RSU1: variants seen among roughly 807,000 people sequenced by gnomAD.
RSU1 encodes the protein Ras suppressor protein 1.
In RSU1, 26 loss-of-function variants were observed where a neutral mutation model predicts 31.1. The observed-to-expected ratio is 0.84, with a 90% CI of 0.61 to 1.16. The LOEUF (loss-of-function observed/expected upper bound fraction) is 1.16. Among genes scored for constraint, RSU1 ranks in the 50% most tolerant of loss-of-function variants. RSU1 has a pLI of 0.00. For synonymous variants in RSU1, 164 were observed against 136.3 expected, an observed-to-expected ratio of 1.20 and a Z score of -1.41; for missense variants, 320 against 339.1, an observed-to-expected ratio of 0.94 and a Z score of 0.44.
At chr10:16,740,858 C>G (rs919373178) in intron 7 of RSU1, among the ~76,000 whole-genome samples, 1 of 152,074 alleles carries the variant, frequency 6.6e-6, no homozygotes, top group Non-Finnish European at 1.5e-5. Flanking sequence ...TGAACTGAAG[C>G]CTTCATATTG....
intron 2 of RSU1, among the ~76,000 whole-genome samples, chr10:16,808,022 CAA>C (rs9331745): frequency 0.25 from 29,008 of 116,106 alleles, 3,505 homozygotes; most frequent in African/African-American, 0.4. Context: ...GACTCTGTCT[CAA>C]AAAAAAAAAA....
chr10:16,805,697 T>A (rs531400829), intron 2 of RSU1, among the ~76,000 whole-genome samples: 1 of 151,168 alleles, frequency 6.6e-6, no homozygotes, highest in South Asian at 2.1e-4. Context: ...TTTTTTTTTT[T>A]AAAGAGGGAG....
chr10:16,611,275 A>T (rs1441851257), intron 8 of RSU1, among the ~76,000 whole-genome samples: 3 of 152,210 alleles, frequency 2.0e-5, no homozygotes. Context: ...GACGGGCTGC[A>T]GGGAAGTCTC....
chr10:16,738,334 C>T (rs1425161635), intron 7 of RSU1, among the ~76,000 whole-genome samples: 1 of 151,942 alleles, frequency 6.6e-6, no homozygotes, highest in Non-Finnish European at 1.5e-5. Context: ...ACCTGTAGTC[C>T]CAGCTACTCA....
At chr10:16,670,814 G>C (rs1000775657) in intron 8 of RSU1, among the ~76,000 whole-genome samples, 6 of 152,038 alleles carry the variant, frequency 3.9e-5, no homozygotes, top group African/African-American at 1.4e-4. Context: ...ACCCAGGCTG[G>C]AGTCCAACGG....
intron 7 of RSU1, among the ~76,000 whole-genome samples, chr10:16,745,792 A>G (rs1836840504): frequency 1.3e-5 from 2 of 152,194 alleles, no homozygotes; most frequent in South Asian, 4.1e-4. Context: ...TTTGAACCCA[A>G]GCCTAGTGAT....
chr10:16,733,962 G>C (rs1341510607), intron 7 of RSU1, among the ~76,000 whole-genome samples: 1 of 152,212 alleles, frequency 6.6e-6, no homozygotes, highest in Non-Finnish European at 1.5e-5. Context: ...ACCAAACAAT[G>C]AACCTTTAAC....
At chr10:16,778,597 G>C (rs12218583) in intron 3 of RSU1, among the ~76,000 whole-genome samples, 3,335 of 152,280 alleles carry the variant, frequency 0.022, 78 homozygotes, top group East Asian at 0.11. Context: ...GAGTTAAAGA[G>C]TCTACATGCA....
At chr10:16,795,305 G>A (rs1438814829) in intron 2 of RSU1, among the ~76,000 whole-genome samples, 3 of 135,748 alleles carry the variant, frequency 2.2e-5, no homozygotes, top group Non-Finnish European at 3.0e-5. Context: ...AGTGAGCCGA[G>A]ATCGCGCCAC....
At chr10:16,717,287 T>C (rs1470148617) in intron 7 of RSU1, among the ~76,000 whole-genome samples, 1 of 152,140 alleles carries the variant, frequency 6.6e-6, no homozygotes, top group Non-Finnish European at 1.5e-5. Context: ...TCATATAAAA[T>C]ATGTACAAAG....
intron 8 of RSU1, among the ~76,000 whole-genome samples, chr10:16,647,338 C>T (rs1343291321): frequency 1.3e-5 from 2 of 152,154 alleles, no homozygotes; most frequent in African/African-American, 2.4e-5. Flanking sequence ...GGAAAAGAGT[C>T]TGGCTGCTCC....
chr10:16,790,464 G>A (rs1376023458), intron 2 of RSU1, among the ~76,000 whole-genome samples: 1 of 152,186 alleles, frequency 6.6e-6, no homozygotes, highest in Non-Finnish European at 1.5e-5. Context: ...AAAGACAATG[G>A]CAGTTCAGAA....
At chr10:16,684,987 C>T (rs1277222185) in intron 8 of RSU1, among the ~76,000 whole-genome samples, 1 of 152,112 alleles carries the variant, frequency 6.6e-6, no homozygotes, top group African/African-American at 2.4e-5. Flanking sequence ...GTGGCTCATG[C>T]TTGTAATCCC....
chr10:16,704,123 T>C (rs886305718), intron 7 of RSU1, among the ~76,000 whole-genome samples: 1 of 152,108 alleles, frequency 6.6e-6, no homozygotes, highest in Non-Finnish European at 1.5e-5. Context: ...AAATTTTAAA[T>C]AAAAGAAAAA....
rs529942316 is a variant in RSU1, at chr10:16,701,329, G to C, written c.599-6174C>G. On this transcript the variant is annotated intron_variant, in intron 7 of 8. Coordinates refer to ENST00000345264, the MANE Select transcript of RSU1 (RefSeq NM_012425.4). ...TCTTCTGTCTGCGTAATAGATGACG[G>C]TCTAAAAACCTAAGTGGAATGAGAA... 3.3e-5 allele frequency among the ~76,000 whole-genome samples: 5 copies of C among 152,288 alleles called. No homozygotes were observed. In the South Asian group the frequency reaches 1.0e-3, roughly 32 times the overall value.
intron 8 of RSU1, among the ~76,000 whole-genome samples, chr10:16,687,178 T>C (rs1835455580): frequency 6.6e-6 from 1 of 152,216 alleles, no homozygotes; most frequent in South Asian, 2.1e-4. Flanking sequence ...ACGTATACAA[T>C]GGAGTCTTAC....
intron 8 of RSU1, among the ~76,000 whole-genome samples, chr10:16,667,110 T>C (rs77215304): frequency 0.031 from 4,733 of 152,244 alleles, 254 homozygotes; most frequent in African/African-American, 0.11. Context: ...ATAAAGACTC[T>C]GGGTCTATCT....
At chr10:16,777,524 C>A (rs147161231) in intron 3 of RSU1, among the ~76,000 whole-genome samples, 124 of 152,244 alleles carry the variant, frequency 8.1e-4, no homozygotes, top group African/African-American at 2.8e-3. Context: ...CCCTGTGGTG[C>A]AGGGCCGGAG....
In RSU1 at chr10:16,624,804, T is replaced by A. The variant is rs1309043702; in HGVS notation, c.732-31308A>T. ...CTGGTCCCATGCACACAAGGTATAT[T>A]TAATAGGTAATTGCTCATGGGCTGA... On this transcript the variant is annotated intron_variant, in intron 8 of 8. Transcript: ENST00000345264. Among the ~76,000 whole-genome samples, 8 of 152,248 alleles carry A rather than the reference T, an allele frequency of 5.3e-5. No individual in the cohort carries two copies. The East Asian group carries it at 1.5e-3, about 29-fold the overall frequency.
Sources: gnomAD v4.1 joint callset for allele counts (sites outside exome capture counted in the v4.1 genomes callset) on GRCh38, gnomAD v4.1.1 for gene constraint, MANE v1.5 for transcripts, NCBI Gene and HGNC (gene_info 2026-07-23, HGNC 2026-07-21) for gene names.